ADGRB1: variants seen among roughly 807,000 people sequenced by gnomAD.
The protein encoded by ADGRB1 is adhesion G protein-coupled receptor B1.
A neutral mutation model predicts 175.7 loss-of-function variants in ADGRB1; 36 were observed. The observed-to-expected ratio is 0.20, with a 90% CI of 0.16 to 0.27. The LOEUF is 0.27. Among genes scored for constraint, ADGRB1 ranks in the 10% least tolerant of loss-of-function variants. ADGRB1 has a pLI of 1.00. For synonymous variants in ADGRB1, 1,054 were observed against 979.4 expected (o/e 1.08, Z -1.42); for missense variants, 1,731 against 2,255.3 (o/e 0.77, Z 4.71).
At chr8:142,505,738 C>T (rs1004149568) in intron 17 of ADGRB1, among the ~76,000 whole-genome samples, 4 of 152,164 alleles carry the variant, frequency 2.6e-5, no homozygotes, top group African/African-American at 9.6e-5. Flanking sequence ...GCCATGCGGC[C>T]TGACATATTT....
intron 2 of ADGRB1, among the ~76,000 whole-genome samples, chr8:142,472,996 C>G (rs547990893): frequency 3.7e-4 from 57 of 152,020 alleles, no homozygotes; most frequent in Admixed American, 7.9e-4. Context: ...TCCGAAGCCT[C>G]TCCTGATGTG....
chr8:142,518,927 C>T (rs1039525810), intron 19 of ADGRB1, among the ~76,000 whole-genome samples: 15 of 152,206 alleles, frequency 9.9e-5, no homozygotes, highest in African/African-American at 1.4e-4. Context: ...GCAGGCAGCG[C>T]GATGTCAGCC....
At chr8:142,477,309 C>G (rs201229262) in intron 5 of ADGRB1, 31 bp downstream of exon 5, 5 of 1,524,200 alleles carry the variant, frequency 3.3e-6, no homozygotes, top group African/African-American at 1.4e-5. Context: ...GGGCAGCGGA[C>G]AGCCAGGGCA....
chr8:142,476,801 T>A, intron 4 of ADGRB1, 106 bp downstream of exon 4: 1 of 1,167,770 alleles, frequency 8.6e-7, no homozygotes, highest in Non-Finnish European at 1.2e-6. Flanking sequence ...ATGCCATAAC[T>A]AGACTAAACC....
chr8:142,496,412 A>G (rs1023994136), intron 17 of ADGRB1, among the ~76,000 whole-genome samples: 1 of 151,494 alleles, frequency 6.6e-6, no homozygotes, highest in East Asian at 2.0e-4. Context: ...GGAGGTATGG[A>G]CGGCTGGGTG....
chr8:142,457,838 C>T (rs1839764351), intron 1 of ADGRB1, among the ~76,000 whole-genome samples: 1 of 152,204 alleles, frequency 6.6e-6, no homozygotes, highest in African/African-American at 2.4e-5. Flanking sequence ...TTGTCCTGGG[C>T]CCATGTCAGG....
chr8:142,495,137 G>C (rs1295035311), intron 17 of ADGRB1, among the ~76,000 whole-genome samples: 4 of 152,162 alleles, frequency 2.6e-5, no homozygotes, highest in African/African-American at 9.7e-5. Flanking sequence ...AGGGGTTCTT[G>C]GTAGGCAGTG....
intron 11 of ADGRB1, among the ~76,000 whole-genome samples, chr8:142,482,029 G>A (rs1021132799): frequency 3.3e-5 from 2 of 61,102 alleles, no homozygotes; most frequent in Admixed American, 1.5e-4. Context: ...CACACACTGA[G>A]CCCTGATCAT....
At chr8:142,533,956 G>A (rs565412496) in intron 25 of ADGRB1, among the ~76,000 whole-genome samples, 2 of 152,320 alleles carry the variant, frequency 1.3e-5, no homozygotes, top group South Asian at 4.1e-4. Flanking sequence ...CATGCATGTC[G>A]ACCTGGGTGG....
At position 142,464,911 on chromosome 8, in the gene ADGRB1, A is replaced by G; in HGVS notation, c.713A>G (p.Asp238Gly). ...LAPRGDVCLR[D>G]AVAGGPENCL... ...CCCCGCGGGGATGTCTGCTTGAGAG[A>G]TGCGGTGGCTGGTGGCCCTGAAAAC... The change falls in exon 2 of 31, where the codon GAT (aspartate) becomes GGT (glycine). Residue 238 changes from aspartate to glycine, a missense_variant. This residue lies in a region of ADGRB1 where 383 missense variants were observed against 383.1 expected (regional missense o/e 1.00). Coordinates refer to ENST00000517894, the MANE Select transcript of ADGRB1 (RefSeq NM_001702.3). The G allele has an allele frequency of 5.2e-6, 8 of 1,529,372 alleles. No homozygotes were observed. Among genetic ancestry groups the G allele is most frequent in the Non-Finnish European group, 7.0e-6 (8 of 1,143,462 alleles). The allele number at this position is 1,529,372 out of a possible 1,614,324, so 94.7% of individuals were successfully genotyped here.
At position 142,464,613 on chromosome 8, in the gene ADGRB1, A is replaced by C. The variant is rs1381512624; in HGVS notation, c.415A>C (p.Ser139Arg). 4 of 1,523,646 alleles carry C rather than the reference A, an allele frequency of 2.6e-6. No individual in the cohort carries two copies. In the South Asian group the frequency reaches 3.6e-5, roughly 14 times the overall value. The allele number at this position is 1,523,646 out of a possible 1,614,324, so 94.4% of individuals were successfully genotyped here. Residue 139 changes from serine to arginine, a missense_variant, in exon 2 of 31, where the codon AGC becomes CGC. By Grantham distance (110) the Ser-to-Arg change is moderately radical. Around this residue, in one of 8 missense-constraint regions of ADGRB1, gnomAD observed 383 missense variants for 383.1 expected, o/e 1.00. Transcript: ENST00000517894. ...PSAPLAFLQA[S>R]KQFLQMRRQQ... ...CGCACCCCTGGCCTTCCTGCAGGCC[A>C]GCAAGCAGTTCCTGCAGATGCGGCG...
In ADGRB1 at chr8:142,449,806, T is replaced by TGGCCC. The variant is rs1250795797; in HGVS notation, c.-510_-506dup. The TGGCCC allele has an allele frequency of 3.4e-5, 5 of 146,086 alleles. No individual in the cohort carries two copies. Among genetic ancestry groups the TGGCCC allele is most frequent in the Non-Finnish European group, 7.6e-5 (5 of 65,646 alleles). The allele number at this position is 146,086 out of a possible 1,614,324, so 9.0% of individuals were successfully genotyped here. On this transcript the variant is annotated 5_prime_UTR_variant, in exon 1 of 31. Coordinates refer to ENST00000517894, the MANE Select transcript of ADGRB1 (RefSeq NM_001702.3). ...GAGCACAGGCGGCCGCGCCGCGTCC[T>TGGCCC]GGCCCGGCCCGGGCCCGCGCGCCAG... is the stretch of plus-strand genomic sequence containing the variant.
intron 18 of ADGRB1, among the ~76,000 whole-genome samples, chr8:142,517,454 G>A (rs906356088): frequency 6.6e-6 from 1 of 152,222 alleles, no homozygotes; most frequent in Non-Finnish European, 1.5e-5. Flanking sequence ...TGTGGCGGGA[G>A]AGGAGCTCAC....
chr8:142,526,555 T>C lies in ADGRB1; in HGVS notation c.3326T>C (p.Ile1109Thr), dbSNP rs1844214337. Residue 1109 changes from isoleucine to threonine, a missense_variant, in exon 24 of 31, where the codon ATT becomes ACT. By Grantham distance (89) the Ile-to-Thr change is moderately conservative (BLOSUM62 -1). Transcript: ENST00000517894. ...AAAVVLVNMVIGILVFNKLVS... is the reference protein window; with the variant it reads ...AAAVVLVNMVTGILVFNKLVS... ...TCTGCCCGGCAGGTGAACATGGTCA[T>C]TGGGATCCTGGTGTTCAACAAGCTC... 7.3e-7 allele frequency: 1 copy of C among 1,368,570 alleles called. No individual in the cohort carries two copies. The highest frequency in any genetic ancestry group is 9.8e-7 in the Non-Finnish European group (1 of 1,019,994). 84.8% of individuals were successfully genotyped at this position (1,368,570 alleles called of 1,614,324 possible). A position where few individuals can be genotyped will look rare whatever the true frequency, so the allele number is the denominator to read the frequency against.
intron 1 of ADGRB1, among the ~76,000 whole-genome samples, chr8:142,453,365 G>C (rs1839476012): frequency 6.6e-6 from 1 of 152,224 alleles, no homozygotes; most frequent in Non-Finnish European, 1.5e-5. Flanking sequence ...GCTGCCCCCG[G>C]GTCTGCTCTG....
At chr8:142,499,403 G>A (rs1842377685) in intron 17 of ADGRB1, among the ~76,000 whole-genome samples, 1 of 152,248 alleles carries the variant, frequency 6.6e-6, no homozygotes, top group African/African-American at 2.4e-5. Context: ...GAGGATGGCA[G>A]GCAGCCGCTC....
At chr8:142,452,843 C>G (rs1011936004) in intron 1 of ADGRB1, among the ~76,000 whole-genome samples, 2 of 151,198 alleles carry the variant, frequency 1.3e-5, no homozygotes, top group East Asian at 3.9e-4. Context: ...CGCGGGGCTC[C>G]AGGCCCAGGC....
chr8:142,522,218 G>A, intron 21 of ADGRB1, 103 bp downstream of exon 21: 2 of 1,481,218 alleles, frequency 1.4e-6, no homozygotes, highest in Non-Finnish European at 1.8e-6. Flanking sequence ...GTGGACCCCT[G>A]GGGCCTCAGT....
intron 1 of ADGRB1, among the ~76,000 whole-genome samples, chr8:142,461,649 G>A (rs1270308996): frequency 6.6e-6 from 1 of 152,232 alleles, no homozygotes; most frequent in Non-Finnish European, 1.5e-5. Context: ...GAATGCTATG[G>A]GGTGGAGCTG....
Sources: gnomAD v4.1 joint callset for allele counts (sites outside exome capture counted in the v4.1 genomes callset) on GRCh38, gnomAD v4.1.1 for gene constraint, gnomAD v4.1.1 regional missense constraint, MANE v1.5 for transcripts, NCBI Gene and HGNC (gene_info 2026-07-23, HGNC 2026-07-21) for gene names.